Variants in ALDH1A2 observed in about 807,000 individuals in gnomAD.
ALDH1A2 encodes the protein retinal dehydrogenase 2.
ALDH1A2 carries 27 observed loss-of-function variants against 60.3 expected under a neutral mutation model. That is an observed-to-expected ratio of 0.45 (90% confidence interval 0.33 to 0.62). The LOEUF is 0.62. Ranked by LOEUF, ALDH1A2 falls within the 20% of genes least tolerant of loss-of-function variation. The pLI is 0.02. For synonymous variants in ALDH1A2, 289 were observed against 232.4 expected, an observed-to-expected ratio of 1.24 and a Z score of -2.21; for missense variants, 581 against 643.8, an observed-to-expected ratio of 0.90 and a Z score of 1.06.
chr15:57,960,927 T>TTTA, intron 11 of ALDH1A2, 83 bp from the exon 12 acceptor site: 1 of 1,437,090 alleles, frequency 7.0e-7, no homozygotes, highest in Non-Finnish European at 9.6e-7. Flanking sequence ...TTTTAGAAGT[T>TTTA]TTATTTTTAA....
intron 1 of ALDH1A2, chr15:58,065,322 G>C (rs1353713975): frequency 1.5e-5 from 9 of 610,018 alleles, no homozygotes; most frequent in African/African-American, 1.3e-4. Flanking sequence ...TTCGGGTTGG[G>C]TTAAGTCCCC....
At chr15:58,022,534 G>C (rs1216004608) in intron 1 of ALDH1A2, among the ~76,000 whole-genome samples, 1 of 152,036 alleles carries the variant, frequency 6.6e-6, no homozygotes, top group African/African-American at 2.4e-5. Flanking sequence ...ACCTCCGGGG[G>C]GAAAGCCACC....
intron 3 of ALDH1A2, among the ~76,000 whole-genome samples, chr15:58,012,630 C>G (rs1167094235): frequency 1.3e-5 from 2 of 152,114 alleles, no homozygotes; most frequent in African/African-American, 2.4e-5. Flanking sequence ...AGAGTATTCC[C>G]TAGAGTGCCA....
intron 4 of ALDH1A2, among the ~76,000 whole-genome samples, chr15:58,004,372 A>G (rs375456445): frequency 1.4e-4 from 21 of 151,996 alleles, no homozygotes; most frequent in African/African-American, 4.3e-4. Context: ...GATTTGTTAC[A>G]TGGATATATT....
At chr15:58,009,965 C>T (rs1372876425) in intron 4 of ALDH1A2, among the ~76,000 whole-genome samples, 10 of 152,022 alleles carry the variant, frequency 6.6e-5, no homozygotes, top group Admixed American at 6.6e-4. Flanking sequence ...CATACTTTCC[C>T]TCTCATTTAA....
chr15:58,041,582 T>G (rs142992540), intron 1 of ALDH1A2, among the ~76,000 whole-genome samples: 1 of 151,926 alleles, frequency 6.6e-6, no homozygotes, highest in Admixed American at 6.6e-5. Flanking sequence ...TGGTGCATTC[T>G]TGCCATTTCC....
rs575170882 is a variant in ALDH1A2, at chr15:57,979,701, A to T, written c.798+13004T>A. On this transcript the variant is annotated intron_variant, in intron 7 of 12. Transcript: ENST00000249750. ...AGAAAGGGAGATAATGTGGGGAGAG[A>T]GTGTGCTGGGAGCCTCAGTAGCCAG... 688 of 251,330 alleles carry T rather than the reference A, an allele frequency of 2.7e-3. 3 individuals carry two copies. Among genetic ancestry groups the T allele is most frequent in the Admixed American group, 4.4e-3 (105 of 24,032 alleles). The allele number at this position is 251,330 out of a possible 1,614,324, so 15.6% of individuals were successfully genotyped here.
intron 1 of ALDH1A2, among the ~76,000 whole-genome samples, chr15:58,043,251 A>T (rs748247990): frequency 4.6e-5 from 7 of 151,924 alleles, no homozygotes; most frequent in Non-Finnish European, 8.8e-5. Context: ...TTCCAGCTAG[A>T]CTTTTCTGAA....
intron 1 of ALDH1A2, among the ~76,000 whole-genome samples, chr15:58,049,724 C>T (rs897327245): frequency 1.3e-5 from 2 of 152,068 alleles, no homozygotes; most frequent in African/African-American, 4.8e-5. Context: ...CTAATGCAGG[C>T]TGGTTCAAAC....
At chr15:58,050,496 T>C (rs1273039990) in intron 1 of ALDH1A2, among the ~76,000 whole-genome samples, 13 of 152,166 alleles carry the variant, frequency 8.5e-5, no homozygotes, top group Admixed American at 7.9e-4. Context: ...AATCTTCAAA[T>C]TTCACTAAAA....
intron 12 of ALDH1A2, among the ~76,000 whole-genome samples, chr15:57,955,485 CT>C (rs1893489981): frequency 6.6e-6 from 1 of 152,086 alleles, no homozygotes; most frequent in Non-Finnish European, 1.5e-5. Context: ...TTTTTTAAAA[CT>C]TTAAAGTTTT....
chr15:57,988,498 A>G (rs1894787866), intron 7 of ALDH1A2, among the ~76,000 whole-genome samples: 1 of 152,216 alleles, frequency 6.6e-6, no homozygotes, highest in South Asian at 2.1e-4. Context: ...TGAAAACACG[A>G]AGAGTAGATA....
intron 1 of ALDH1A2, among the ~76,000 whole-genome samples, chr15:58,063,969 C>T (rs1431991847): frequency 1.7e-5 from 2 of 116,088 alleles, no homozygotes; most frequent in Non-Finnish European, 2.1e-5. Flanking sequence ...ACTGGAAGAG[C>T]TTCCAAATTA....
chr15:58,017,623 A>G (rs1053804936), intron 1 of ALDH1A2, among the ~76,000 whole-genome samples: 2 of 152,110 alleles, frequency 1.3e-5, no homozygotes, highest in Non-Finnish European at 2.9e-5. Flanking sequence ...CGAGATGATA[A>G]TGTTCTAGGT....
At chr15:58,057,729 C>G (rs1896932488) in intron 1 of ALDH1A2, among the ~76,000 whole-genome samples, 1 of 152,128 alleles carries the variant, frequency 6.6e-6, no homozygotes, top group Non-Finnish European at 1.5e-5. Flanking sequence ...TGACCCCACT[C>G]CACACCCAAA....
intron 7 of ALDH1A2, among the ~76,000 whole-genome samples, chr15:57,989,039 G>A (rs1053871712): frequency 2.6e-5 from 4 of 152,098 alleles, no homozygotes; most frequent in Admixed American, 1.3e-4. Context: ...ATGGTGGTGC[G>A]TGCCTGTAGT....
rs563077565 is a variant in ALDH1A2, at chr15:57,987,428, T to C, written c.798+5277A>G. 3.3e-5 allele frequency among the ~76,000 whole-genome samples: 5 copies of C among 152,244 alleles called. No individual in the cohort carries two copies. In the East Asian group the frequency reaches 9.6e-4, roughly 29 times the overall value. ...AAGCAGTCTGGGGGAAAAGAAACAT[T>C]ACTTACCGTAAAATAAAGATAACAA... On this transcript the variant is annotated intron_variant, in intron 7 of 12. Transcript: ENST00000249750.
chr15:58,037,359 G>T (rs1486273540), intron 1 of ALDH1A2, among the ~76,000 whole-genome samples: 1 of 151,624 alleles, frequency 6.6e-6, no homozygotes, highest in African/African-American at 2.4e-5. Flanking sequence ...GAAAAATACT[G>T]TAGAGGAAAC....
At chr15:57,996,460 A>G (rs1230375335) in intron 4 of ALDH1A2, among the ~76,000 whole-genome samples, 5 of 149,838 alleles carry the variant, frequency 3.3e-5, no homozygotes, top group East Asian at 2.0e-4. Context: ...TTTTTTTTAT[A>G]CAAACGGGAT....
Sources: allele counts gnomAD v4.1 joint callset (sites outside exome capture counted in the v4.1 genomes callset), GRCh38; gene constraint gnomAD v4.1.1; transcripts MANE v1.5; gene names NCBI Gene and HGNC (gene_info 2026-07-23, HGNC 2026-07-21).